KLC1: variants seen among roughly 807,000 people sequenced by gnomAD.
The protein encoded by KLC1 is kinesin light chain 1.
A neutral mutation model predicts 84.2 loss-of-function variants in KLC1; 30 were observed. The ratio of observed to expected loss-of-function variants is 0.36; its 90% confidence interval spans 0.27 to 0.48. The LOEUF is 0.48. KLC1 is among the 20% of genes least tolerant of loss of function. The pLI is 0.99. For missense variants in KLC1, 499 were observed against 805.4 expected (o/e 0.62, Z 4.60); for synonymous variants, 289 against 293.3 (o/e 0.99, Z 0.15).
rs192812285 is a variant in KLC1 at position 103,631,525 on chromosome 14, A to G, written c.-2+2031A>G. On this transcript the variant is annotated intron_variant, in intron 1 of 16. Transcript: ENST00000334553. ...AGAAACCTAGGATAGAAAAATCAAAAGTTGAGTGAAATGTATGATTAGTAT... is the reference window on the plus strand; with the variant it reads ...AGAAACCTAGGATAGAAAAATCAAAGGTTGAGTGAAATGTATGATTAGTAT... 2.1e-3 allele frequency among the ~76,000 whole-genome samples: 317 copies of G among 152,340 alleles called. 1 individual carries two copies. Among genetic ancestry groups the G allele is most frequent in the African/African-American group, 7.3e-3 (303 of 41,578 alleles).
At chr14:103,681,393 C>T (rs566015349) in intron 13 of KLC1, among the ~76,000 whole-genome samples, 1 of 152,178 alleles carries the variant, frequency 6.6e-6, no homozygotes, top group Admixed American at 6.5e-5. Flanking sequence ...GCCTCCAACC[C>T]CACAACTCTA....
At position 103,675,121 on chromosome 14, in the gene KLC1, G is replaced by T. The variant is rs553170072; in HGVS notation, c.1262-431G>T. Among the ~76,000 whole-genome samples, 4 of 152,296 alleles carry T rather than the reference G, an allele frequency of 2.6e-5. No individual in the cohort carries two copies. In the East Asian group the frequency reaches 7.7e-4, roughly 29 times the overall value. Reference sequence around the variant, plus strand: ...GCAGGTGGATCACTTGAAGTCAGGAGTGACCAGCCTGGCCAACATGACGAA... The same window carrying T: ...GCAGGTGGATCACTTGAAGTCAGGATTGACCAGCCTGGCCAACATGACGAA... On this transcript the variant is annotated intron_variant, in intron 9 of 16. Transcript: ENST00000334553.
chr14:103,687,356 T>C, intron 14 of KLC1, 145 bp downstream of exon 14: 1 of 812,118 alleles, frequency 1.2e-6, no homozygotes, highest in Non-Finnish European at 1.7e-6. Context: ...GGTTTCATAG[T>C]TGCCACGTAG....
chr14:103,677,516 G>A lies in KLC1; in HGVS notation c.1481G>A (p.Arg494His), dbSNP rs147158400. 1.1e-5 allele frequency: 18 copies of A among 1,609,722 alleles called. No individual in the cohort carries two copies. In the Admixed American group the frequency reaches 1.7e-4, roughly 15 times the overall value. ...ETLEEAAMRS[R>H]KQGLDNVHKQ... Reference sequence around the variant, plus strand: ...TTAGAAGAAGCTGCTATGAGGTCTCGTAAACAGGTTAGTCATACTTCTGTC... The same window carrying A: ...TTAGAAGAAGCTGCTATGAGGTCTCATAAACAGGTTAGTCATACTTCTGTC... The change falls in exon 12 of 17, where the codon CGT (arginine) becomes CAT (histidine). Residue 494 changes from arginine to histidine, a missense_variant. This residue lies in a region of KLC1 where 167 missense variants were observed against 208.8 expected (regional missense o/e 0.80). Transcript: ENST00000334553.
At position 103,692,405 on chromosome 14, in the gene KLC1, G is replaced by C. The variant is rs1409964209; in HGVS notation, c.1828G>C (p.Ala610Pro). ...GAATGTCCTTAACGTGGGTGGCAAG[G>C]CTGCTGAAGATCGCTTTCAAGTAAG... ...SLNVLNVGGK[A>P]AEDRFQGVSG... The change falls in exon 15 of 17, where the codon GCT becomes CCT. Residue 610 changes from alanine (A) to proline (P), a missense_variant. By Grantham distance (27) the Ala-to-Pro change is conservative. Coordinates refer to ENST00000334553, the MANE Select transcript of KLC1 (RefSeq NM_001394837.1). The C allele has an allele frequency of 6.5e-7, 1 of 1,536,664 alleles. No individual in the cohort carries two copies. Among genetic ancestry groups the C allele is most frequent in the Non-Finnish European group, 8.7e-7 (1 of 1,147,032 alleles).
intron 7 of KLC1, 23 bp from the exon 8 acceptor site, chr14:103,672,991 A>T (rs560194938): frequency 2.5e-6 from 4 of 1,610,192 alleles, no homozygotes; most frequent in Non-Finnish European, 3.4e-6. Flanking sequence ...AAGTGTCTCT[A>T]ATATGCTGTT....
chr14:103,646,476 T>A (rs2077936384), intron 1 of KLC1, among the ~76,000 whole-genome samples: 1 of 152,052 alleles, frequency 6.6e-6, no homozygotes, highest in Admixed American at 6.6e-5. Context: ...AATTTTTAAT[T>A]TTTTAATTAA....
chr14:103,684,961 CAA>C (rs1567037422), intron 13 of KLC1: 2 of 869,022 alleles, frequency 2.3e-6, no homozygotes, highest in South Asian at 1.4e-5. Flanking sequence ...GTGTTGGTAA[CAA>C]GTGTTATTTT....
intron 12 of KLC1, among the ~76,000 whole-genome samples, chr14:103,679,128 A>G (rs2081155555): frequency 6.6e-6 from 1 of 152,118 alleles, no homozygotes; most frequent in South Asian, 2.1e-4. Context: ...AGTCCTAGGT[A>G]TAGACCCAGA....
intron 1 of KLC1, among the ~76,000 whole-genome samples, chr14:103,650,506 T>G (rs537821176): frequency 2.6e-5 from 4 of 152,312 alleles, no homozygotes; most frequent in African/African-American, 9.6e-5. Flanking sequence ...TTGAGTCAAC[T>G]TAGATACTGA....
intron 1 of KLC1, among the ~76,000 whole-genome samples, chr14:103,631,282 A>G (rs1021871720): frequency 7.2e-5 from 11 of 152,084 alleles, no homozygotes; most frequent in Admixed American, 2.0e-4. Flanking sequence ...GGGTTTCAAC[A>G]TGTTAGCCAG....
At chr14:103,680,795 C>G (rs1243763370) in intron 13 of KLC1, among the ~76,000 whole-genome samples, 2 of 152,274 alleles carry the variant, frequency 1.3e-5, no homozygotes, top group East Asian at 3.9e-4. Context: ...AAGGACAAGT[C>G]CTTTATCTAG....
At chr14:103,647,222 T>TTTTTTA in intron 1 of KLC1, among the ~76,000 whole-genome samples, 1 of 151,984 alleles carries the variant, frequency 6.6e-6, no homozygotes, top group East Asian at 1.9e-4. Flanking sequence ...CAGAAACTTT[T>TTTTTTA]TTTTTATTTT....
intron 1 of KLC1, among the ~76,000 whole-genome samples, chr14:103,638,473 C>T (rs940063213): frequency 5.3e-5 from 8 of 151,680 alleles, no homozygotes; most frequent in Middle Eastern, 3.4e-3. Context: ...GTGCAACTAC[C>T]ATCTATCTAA....
chr14:103,662,970 A>G, intron 5 of KLC1, 43 bp downstream of exon 5: 3 of 1,384,430 alleles, frequency 2.2e-6, no homozygotes, highest in Non-Finnish European at 3.0e-6. Flanking sequence ...CCTAGAGACA[A>G]TGTTTTTAAC....
chr14:103,672,231 G>T (rs765172447), intron 7 of KLC1, among the ~76,000 whole-genome samples: 2 of 152,194 alleles, frequency 1.3e-5, no homozygotes, highest in Non-Finnish European at 2.9e-5. Flanking sequence ...GGTAGGGAAT[G>T]CAGAAGGGAG....
intron 1 of KLC1, among the ~76,000 whole-genome samples, chr14:103,630,607 G>A (rs1998775): frequency 0.93 from 142,130 of 152,232 alleles, 66,597 homozygotes; most frequent in East Asian, 0.98. Flanking sequence ...TTTAGTGAAA[G>A]ACACTTTAGA....
intron 9 of KLC1, among the ~76,000 whole-genome samples, chr14:103,675,247 C>T (rs1010219099): frequency 2.6e-4 from 40 of 152,108 alleles, no homozygotes; most frequent in African/African-American, 7.7e-4. Context: ...GTCACTTGAA[C>T]CCAGGAGCTG....
Position 103,687,142 on chromosome 14 carries a change from G to A in KLC1, c.1712G>A (p.Arg571His), listed in dbSNP as rs2081825266. The change falls in exon 14 of 17, where the codon CGC becomes CAC. Residue 571 changes from arginine (R) to histidine (H), a missense_variant. By Grantham distance (29) the Arg-to-His change is conservative. This residue lies in a region of KLC1 where 167 missense variants were observed against 208.8 expected (regional missense o/e 0.80). Transcript: ENST00000334553. Reference protein sequence around the residue: ...SFSKLRASIRRSSEKLVRKLK... With the variant: ...SFSKLRASIRHSSEKLVRKLK... ...AGCAAACTCCGGGCTTCCATTAGACGCAGCAGTGAGAAGCTGGTTAGGAAG... is the reference window on the plus strand; with the variant it reads ...AGCAAACTCCGGGCTTCCATTAGACACAGCAGTGAGAAGCTGGTTAGGAAG... The A allele has an allele frequency of 6.5e-7, 1 of 1,548,890 alleles. No individual in the cohort carries two copies.
Sources: allele counts gnomAD v4.1 joint callset (sites outside exome capture counted in the v4.1 genomes callset), GRCh38; gene constraint gnomAD v4.1.1; regional missense constraint gnomAD v4.1.1; transcripts MANE v1.5; gene names NCBI Gene and HGNC (gene_info 2026-07-23, HGNC 2026-07-21).